AOPEP: variants seen among roughly 807,000 people sequenced by gnomAD.
AOPEP encodes the protein aminopeptidase O (putative), also known as aminopeptidase O.
AOPEP carries 77 observed loss-of-function variants against 98.1 expected under a neutral mutation model. That is an observed-to-expected ratio of 0.78 (90% CI 0.65 to 0.95). The LOEUF (loss-of-function observed/expected upper bound fraction) is 0.95. Among genes scored for constraint, AOPEP ranks in the 40% least tolerant of loss-of-function variants. AOPEP has a pLI of 0.00. For synonymous variants in AOPEP, 346 were observed against 365.3 expected (o/e 0.95, Z 0.60); for missense variants, 1,024 against 1,024.7 (o/e 1.00, Z 0.01).
chr9:95,129,932 T>G, the AOPEP span, among the ~76,000 whole-genome samples: 1 of 152,186 alleles, frequency 6.6e-6, no homozygotes, highest in Non-Finnish European at 1.5e-5. Flanking sequence ...TCTCCCCTCA[T>G]GGCTACCCAG....
chr9:94,984,385 A>C (rs1476323093), intron 11 of AOPEP, among the ~76,000 whole-genome samples: 1 of 152,094 alleles, frequency 6.6e-6, no homozygotes, highest in African/African-American at 2.4e-5. Context: ...CTCATAATTT[A>C]GTTATTGTTT....
At chr9:94,889,552 A>G (rs552902946) in intron 5 of AOPEP, among the ~76,000 whole-genome samples, 73 of 152,014 alleles carry the variant, frequency 4.8e-4, no homozygotes, top group South Asian at 2.5e-3. Flanking sequence ...CAGTGGTACC[A>G]TCATAGCTCA....
chr9:94,842,737 A>G (rs1281419964), intron 5 of AOPEP, among the ~76,000 whole-genome samples: 4 of 152,306 alleles, frequency 2.6e-5, no homozygotes, highest in African/African-American at 7.2e-5. Flanking sequence ...TTGACAAGAA[A>G]TTATCTCAAT....
chr9:95,005,025 G>A (rs1174208625), intron 11 of AOPEP, 133 bp from the exon 12 acceptor site: 7 of 237,948 alleles, frequency 2.9e-5, no homozygotes, highest in Non-Finnish European at 3.4e-5. Context: ...CAGGGCGCGG[G>A]CTCCGGCGCC....
chr9:94,985,328 G>T (rs2060453334), intron 11 of AOPEP, among the ~76,000 whole-genome samples: 1 of 152,226 alleles, frequency 6.6e-6, no homozygotes, highest in African/African-American at 2.4e-5. Flanking sequence ...GAGGCTGCAT[G>T]AGCACATGAT....
the AOPEP span, chr9:95,127,327 G>A: frequency 6.6e-6 from 1 of 152,272 alleles, no homozygotes; most frequent in African/African-American, 2.4e-5. Context: ...GCCCATTTGT[G>A]TTCCAAAACA....
chr9:94,923,469 G>A (rs1041109965), intron 5 of AOPEP, among the ~76,000 whole-genome samples: 3 of 152,172 alleles, frequency 2.0e-5, no homozygotes, highest in Non-Finnish European at 1.5e-5. Context: ...GCACCTGCTC[G>A]TTTGTTAACA....
At chr9:94,866,537 A>G (rs949780080) in intron 5 of AOPEP, among the ~76,000 whole-genome samples, 2 of 152,258 alleles carry the variant, frequency 1.3e-5, no homozygotes, top group Middle Eastern at 3.2e-3. Flanking sequence ...CTTTACATGT[A>G]AAATCTAAAA....
chr9:94,952,710 C>T (rs983581167), intron 7 of AOPEP, among the ~76,000 whole-genome samples: 1 of 152,184 alleles, frequency 6.6e-6, no homozygotes, highest in East Asian at 1.9e-4. Flanking sequence ...CATAGAGTGT[C>T]ATTTCCTCCT....
chr9:94,838,943 C>T (rs1295572904), intron 5 of AOPEP, among the ~76,000 whole-genome samples: 1 of 112,824 alleles, frequency 8.9e-6, no homozygotes, highest in Non-Finnish European at 1.7e-5. Flanking sequence ...GATGGAATCT[C>T]ACTCTGTGCC....
rs75866537 is a variant in AOPEP at position 94,816,788 on chromosome 9, A to G, written c.1364+15786A>G. Among the ~76,000 whole-genome samples the G allele has an allele frequency of 4.4e-3, 676 of 152,228 alleles. 6 individuals are homozygous for G. The highest frequency in any genetic ancestry group is 0.031 in the Middle Eastern group (9 of 294). On this transcript the variant is annotated intron_variant, in intron 5 of 16. Transcript: ENST00000375315. ...TGAGAGGTATATTCCCAAAAAGGGTATCATCTAGGATATCTGGTTCCCATT... is the reference window on the plus strand; with the variant it reads ...TGAGAGGTATATTCCCAAAAAGGGTGTCATCTAGGATATCTGGTTCCCATT...
chr9:95,101,281 T>C, the AOPEP span: 6 of 306,808 alleles, frequency 2.0e-5, no homozygotes, highest in African/African-American at 1.3e-4. Context: ...CTAAAAAGAG[T>C]CTAAAAAGAG....
At chr9:94,926,736 G>C (rs1246935792) in intron 6 of AOPEP, among the ~76,000 whole-genome samples, 2 of 151,764 alleles carry the variant, frequency 1.3e-5, no homozygotes, top group Non-Finnish European at 2.9e-5. Context: ...GGGGTCACCG[G>C]GGTCACTTTG....
intron 14 of AOPEP, among the ~76,000 whole-genome samples, chr9:95,070,776 C>T (rs1409972821): frequency 1.3e-5 from 2 of 152,200 alleles, no homozygotes; most frequent in Non-Finnish European, 2.9e-5. Flanking sequence ...TGAGAGTGGC[C>T]GGTGGGGGCA....
chr9:95,114,373 A>G, the AOPEP span: 1 of 522,308 alleles, frequency 1.9e-6, no homozygotes, highest in Non-Finnish European at 3.5e-6. Context: ...ATCTAAAACC[A>G]GACGTTAATG....
At chr9:94,981,912 C>T (rs957960646) in intron 11 of AOPEP, among the ~76,000 whole-genome samples, 2 of 152,098 alleles carry the variant, frequency 1.3e-5, no homozygotes, top group African/African-American at 4.8e-5. Flanking sequence ...GGAAGACTTG[C>T]CTTGTGGTTG....
intron 14 of AOPEP, among the ~76,000 whole-genome samples, chr9:95,070,852 G>A (rs1327360224): frequency 6.6e-6 from 1 of 152,270 alleles, no homozygotes; most frequent in Non-Finnish European, 1.5e-5. Flanking sequence ...GATCACTCAA[G>A]TGAACCTGGG....
chr9:94,953,290 A>T (rs2058235662), intron 7 of AOPEP, among the ~76,000 whole-genome samples: 1 of 152,218 alleles, frequency 6.6e-6, no homozygotes, highest in Admixed American at 6.5e-5. Context: ...AGTTATTCTT[A>T]CAAGTGTGGG....
chr9:94,901,321 G>GT (rs746281478), intron 5 of AOPEP, among the ~76,000 whole-genome samples: 7 of 152,104 alleles, frequency 4.6e-5, no homozygotes, highest in Non-Finnish European at 7.4e-5. Flanking sequence ...TAGCAAGAAT[G>GT]TATTTTTTCA....
Sources: gnomAD v4.1 joint callset for allele counts (sites outside exome capture counted in the v4.1 genomes callset) on GRCh38, gnomAD v4.1.1 for gene constraint, MANE v1.5 for transcripts, NCBI Gene and HGNC (gene_info 2026-07-23, HGNC 2026-07-21) for gene names.